Variants in PTPRD observed in about 807,000 individuals in gnomAD.
PTPRD encodes the protein receptor-type tyrosine-protein phosphatase delta.
PTPRD carries 34 observed loss-of-function variants against 214.5 expected under a neutral mutation model. The observed-to-expected ratio is 0.16, with a 90% CI of 0.12 to 0.21. The LOEUF is 0.21. Ranked by LOEUF, PTPRD falls within the 10% of genes least tolerant of loss-of-function variation. PTPRD has a pLI of 1.00. For missense variants in PTPRD, 2,545 were observed against 2,398.7 expected (o/e 1.06, Z -1.27); for synonymous variants, 1,128 against 845.7 (o/e 1.33, Z -5.79).
intron 3 of PTPRD, among the ~76,000 whole-genome samples, chr9:10,038,542 T>C (rs2097232435): frequency 1.3e-5 from 2 of 152,124 alleles, no homozygotes. Context: ...CACAACCTCA[T>C]ATTGGAGATA....
At chr9:9,425,596 G>A (rs2080551889) in intron 8 of PTPRD, among the ~76,000 whole-genome samples, 1 of 140,406 alleles carries the variant, frequency 7.1e-6, no homozygotes, top group South Asian at 2.3e-4. Flanking sequence ...GACACAATGT[G>A]GAAAGCAGCG....
chr9:9,859,008 G>T (rs10978041), intron 5 of PTPRD, among the ~76,000 whole-genome samples: 5,155 of 152,180 alleles, frequency 0.034, 94 homozygotes, highest in Middle Eastern at 0.061. Context: ...GTCTAGGGAG[G>T]GACCTATTGG....
In PTPRD at chr9:8,986,464, TA is replaced by T. The variant is rs1257691171; in HGVS notation, c.-104+32232del. On this transcript the variant is annotated intron_variant, in intron 11 of 45. Transcript: ENST00000381196. The stretch of plus-strand genomic sequence containing the variant: ...ATATATATTATATGCATATATGTCA[TA>T]TTTTTTTCTTATTTTATATACCTCA... Among the ~76,000 whole-genome samples, 8 of 151,792 alleles carry T rather than the reference TA, an allele frequency of 5.3e-5. No individual in the cohort carries two copies. The East Asian group carries it at 7.7e-4, about 15-fold the overall frequency.
intron 7 of PTPRD, among the ~76,000 whole-genome samples, chr9:9,580,896 GT>G (rs2090576150): frequency 6.6e-6 from 1 of 151,898 alleles, no homozygotes; most frequent in Admixed American, 6.6e-5. Flanking sequence ...TTGTTAAGTT[GT>G]TTGAGTTCAT....
intron 2 of PTPRD, among the ~76,000 whole-genome samples, chr9:10,441,952 T>C (rs1179005377): frequency 2.6e-5 from 4 of 151,626 alleles, no homozygotes. Context: ...AGACACATCA[T>C]GTCTGATGAC....
At chr9:9,885,989 A>T (rs2070750495) in intron 5 of PTPRD, among the ~76,000 whole-genome samples, 1 of 152,058 alleles carries the variant, frequency 6.6e-6, no homozygotes, top group Admixed American at 6.6e-5. Flanking sequence ...CATATTAAAA[A>T]AAAAAAAGAT....
At chr9:9,079,751 G>A (rs952407959) in intron 10 of PTPRD, among the ~76,000 whole-genome samples, 3 of 152,028 alleles carry the variant, frequency 2.0e-5, no homozygotes, top group Admixed American at 2.0e-4. Flanking sequence ...ATCACAATAT[G>A]TATGCACTTA....
At chr9:10,374,294 A>G (rs1443972266) in intron 2 of PTPRD, among the ~76,000 whole-genome samples, 1 of 152,044 alleles carries the variant, frequency 6.6e-6, no homozygotes, top group African/African-American at 2.4e-5. Flanking sequence ...GGCAGGTGCA[A>G]TGTAAGAATT....
intron 39 of PTPRD, among the ~76,000 whole-genome samples, chr9:8,370,235 C>CAT (rs58199646): frequency 0.31 from 17,554 of 57,138 alleles, 1,606 homozygotes; most frequent in East Asian, 0.56. Flanking sequence ...CACACACACA[C>CAT]ACATATATAT....
intron 11 of PTPRD, among the ~76,000 whole-genome samples, chr9:8,919,039 T>A (rs2098806726): frequency 6.6e-6 from 1 of 152,140 alleles, no homozygotes; most frequent in Non-Finnish European, 1.5e-5. Context: ...TGTATGCAGA[T>A]CCTTTTTACC....
At chr9:8,384,069 T>C (rs913509858) in intron 37 of PTPRD, among the ~76,000 whole-genome samples, 6 of 152,144 alleles carry the variant, frequency 3.9e-5, no homozygotes, top group Admixed American at 3.9e-4. Context: ...TAAATAATAA[T>C]TTAATATACA....
At chr9:9,011,371 C>A (rs1047086352) in intron 11 of PTPRD, among the ~76,000 whole-genome samples, 1 of 151,958 alleles carries the variant, frequency 6.6e-6, no homozygotes, top group Non-Finnish European at 1.5e-5. Context: ...GAAAACAGAC[C>A]TATGGATAAA....
At chr9:8,467,994 T>C (rs528160740) in intron 31 of PTPRD, among the ~76,000 whole-genome samples, 2 of 152,132 alleles carry the variant, frequency 1.3e-5, no homozygotes, top group South Asian at 4.1e-4. Context: ...ACTTCACTGA[T>C]CAAACCCTAC....
intron 9 of PTPRD, among the ~76,000 whole-genome samples, chr9:9,260,269 G>T (rs2099979507): frequency 6.6e-6 from 1 of 151,688 alleles, no homozygotes; most frequent in Non-Finnish European, 1.5e-5. Flanking sequence ...CTTGAAATAT[G>T]GAAACATTAA....
At chr9:9,769,203 G>A (rs1460998795) in intron 5 of PTPRD, among the ~76,000 whole-genome samples, 1 of 151,784 alleles carries the variant, frequency 6.6e-6, no homozygotes, top group Non-Finnish European at 1.5e-5. Context: ...AGCTTACAGG[G>A]TGGACGATAT....
chr9:8,875,641 A>T (rs941979870), intron 11 of PTPRD, among the ~76,000 whole-genome samples: 1 of 152,120 alleles, frequency 6.6e-6, no homozygotes, highest in Non-Finnish European at 1.5e-5. Flanking sequence ...AAGCAGATTT[A>T]GTTGTATGGA....
chr9:9,947,195 T>C (rs2092681802), intron 4 of PTPRD, among the ~76,000 whole-genome samples: 2 of 144,898 alleles, frequency 1.4e-5, no homozygotes, highest in South Asian at 4.2e-4. Flanking sequence ...ATACAGATAC[T>C]CTCTCATTTA....
At chr9:9,444,156 A>G (rs1379403114) in intron 8 of PTPRD, among the ~76,000 whole-genome samples, 1 of 152,114 alleles carries the variant, frequency 6.6e-6, no homozygotes, top group Non-Finnish European at 1.5e-5. Context: ...TGTGTACCAT[A>G]CCACTTAACA....
chr9:8,627,564 C>T (rs1298136256), intron 14 of PTPRD, among the ~76,000 whole-genome samples: 1 of 151,834 alleles, frequency 6.6e-6, no homozygotes, highest in Non-Finnish European at 1.5e-5. Context: ...CACTTCAATG[C>T]AATGATTTAC....
Sources: allele counts gnomAD v4.1 joint callset (sites outside exome capture counted in the v4.1 genomes callset), GRCh38; gene constraint gnomAD v4.1.1; transcripts MANE v1.5; gene names NCBI Gene and HGNC (gene_info 2026-07-23, HGNC 2026-07-21).